Variants in SLC44A5 observed in about 807,000 individuals in gnomAD.
The protein encoded by SLC44A5 is solute carrier family 44 member 5.
Under a neutral mutation model 101.8 loss-of-function variants are expected in SLC44A5, and 57 were observed. The ratio of observed to expected loss-of-function variants is 0.56; its 90% confidence interval spans 0.45 to 0.70. The LOEUF is 0.70. Among genes scored for constraint, SLC44A5 ranks in the 30% least tolerant of loss-of-function variants. The pLI is 0.00. For synonymous variants in SLC44A5, 281 were observed against 290.9 expected (o/e 0.97, Z 0.35); for missense variants, 737 against 853.1 (o/e 0.86, Z 1.70).
chr1:75,624,989 T>C, the SLC44A5 span, among the ~76,000 whole-genome samples: 1 of 152,098 alleles, frequency 6.6e-6, no homozygotes, highest in South Asian at 2.1e-4. Flanking sequence ...CACCTCACAT[T>C]GACACAGGGC....
rs1649541905 is a variant in SLC44A5 at position 75,251,212 on chromosome 1, G to C, written c.343C>G (p.Gln115Glu). Residue 115 changes from glutamine to glutamate, a missense_variant and splice_region_variant, in exon 7 of 24, where the codon CAG becomes GAG. Physicochemically the swap from Gln to Glu is conservative, Grantham distance 29. Coordinates refer to ENST00000370859, the MANE Select transcript of SLC44A5 (RefSeq NM_001130058.2). Reference sequence around the variant, plus strand: ...CAGTGAGGCACCTTTTGCCTTACCTGTGTGGTAGGGCACTGTAGGTTTAGC... The same window carrying C: ...CAGTGAGGCACCTTTTGCCTTACCTCTGTGGTAGGGCACTGTAGGTTTAGC... ...VLLNLQCPTT[Q>E]ICVSKCPEKF... 6.2e-7 allele frequency: 1 copy of C among 1,609,838 alleles called. No individual in the cohort carries two copies. The highest frequency in any genetic ancestry group is 8.5e-7 in the Non-Finnish European group (1 of 1,176,288).
At chr1:75,639,142 T>G in the SLC44A5 span, among the ~76,000 whole-genome samples, 1 of 152,058 alleles carries the variant, frequency 6.6e-6, no homozygotes, top group African/African-American at 2.4e-5. Flanking sequence ...TCATACAACA[T>G]GGTTATAGTT....
chr1:75,332,559 G>A (rs1657132331), intron 4 of SLC44A5, among the ~76,000 whole-genome samples: 2 of 152,124 alleles, frequency 1.3e-5, no homozygotes, highest in Non-Finnish European at 2.9e-5. Flanking sequence ...TATAGAAGGT[G>A]GAAAATCTGT....
chr1:75,549,987 A>G (rs897753356), intron 1 of SLC44A5, among the ~76,000 whole-genome samples: 2 of 152,098 alleles, frequency 1.3e-5, no homozygotes. Flanking sequence ...ATGGGAAAGC[A>G]TTTTAATTAA....
At chr1:75,479,451 T>G (rs1486593401) in intron 2 of SLC44A5, among the ~76,000 whole-genome samples, 1 of 152,020 alleles carries the variant, frequency 6.6e-6, no homozygotes, top group South Asian at 2.1e-4. Context: ...CAAAAATTAA[T>G]GAATCCAGGA....
chr1:75,525,150 G>T (rs1483074124), intron 2 of SLC44A5, among the ~76,000 whole-genome samples: 4 of 152,078 alleles, frequency 2.6e-5, no homozygotes, highest in Non-Finnish European at 5.9e-5. Context: ...AAATATTTAG[G>T]TGAAAGATTG....
At chr1:75,239,605 C>T (rs527336634) in intron 9 of SLC44A5, among the ~76,000 whole-genome samples, 14 of 152,090 alleles carry the variant, frequency 9.2e-5, no homozygotes, top group African/African-American at 2.6e-4. Flanking sequence ...CTTTACCTGC[C>T]CCACCTTTCT....
At chr1:75,659,831 C>G in the SLC44A5 span, among the ~76,000 whole-genome samples, 1 of 151,954 alleles carries the variant, frequency 6.6e-6, no homozygotes, top group African/African-American at 2.4e-5. Flanking sequence ...CAACAAAATA[C>G]TAGCAAACCA....
At chr1:75,375,499 A>C (rs570557955) in intron 3 of SLC44A5, among the ~76,000 whole-genome samples, 1 of 152,300 alleles carries the variant, frequency 6.6e-6, no homozygotes, top group East Asian at 1.9e-4. Flanking sequence ...TTTGTGAGAC[A>C]TTATACAAGG....
At chr1:75,597,023 G>T (rs1396169330) in intron 1 of SLC44A5, among the ~76,000 whole-genome samples, 2 of 151,702 alleles carry the variant, frequency 1.3e-5, no homozygotes, top group African/African-American at 4.8e-5. Flanking sequence ...CTATCTCTAT[G>T]AAAAACATAC....
chr1:75,476,407 G>C (rs1366319873), intron 2 of SLC44A5, among the ~76,000 whole-genome samples: 2 of 152,190 alleles, frequency 1.3e-5, no homozygotes, highest in African/African-American at 2.4e-5. Context: ...GCGCAGGACA[G>C]TGGGTGCAGC....
intron 4 of SLC44A5, among the ~76,000 whole-genome samples, chr1:75,339,222 A>G (rs1191277650): frequency 2.0e-5 from 3 of 152,210 alleles, no homozygotes; most frequent in East Asian, 1.9e-4. Context: ...TGCATTTGCA[A>G]TGGTGAGTCC....
At chr1:75,419,471 G>GA (rs1301483726) in intron 2 of SLC44A5, among the ~76,000 whole-genome samples, 127 of 112,998 alleles carry the variant, frequency 1.1e-3, no homozygotes, top group African/African-American at 1.8e-3. Context: ...TAAAGAGAGA[G>GA]AAAAAAAAAA....
chr1:75,708,966 T>G, the SLC44A5 span, among the ~76,000 whole-genome samples: 1 of 152,202 alleles, frequency 6.6e-6, no homozygotes, highest in Non-Finnish European at 1.5e-5. Flanking sequence ...TTGCTATCTT[T>G]CCTGTCCCAC....
At chr1:75,677,715 G>C in the SLC44A5 span, 1 of 435,900 alleles carries the variant, frequency 2.3e-6, no homozygotes, top group Non-Finnish European at 4.6e-6. Flanking sequence ...AAGACCCAGT[G>C]CAATCATCTG....
chr1:75,653,657 G>A, the SLC44A5 span, among the ~76,000 whole-genome samples: 8 of 152,100 alleles, frequency 5.3e-5, no homozygotes, highest in African/African-American at 1.9e-4. Context: ...CTAAAAGATA[G>A]TTGCACAGTC....
At chr1:75,645,202 A>C in the SLC44A5 span, among the ~76,000 whole-genome samples, 2 of 152,164 alleles carry the variant, frequency 1.3e-5, no homozygotes, top group African/African-American at 2.4e-5. Context: ...GAATCGCCAC[A>C]CTGTCTTCCA....
At chr1:75,276,666 G>A (rs982813897) in intron 5 of SLC44A5, among the ~76,000 whole-genome samples, 3 of 152,240 alleles carry the variant, frequency 2.0e-5, no homozygotes, top group African/African-American at 7.2e-5. Flanking sequence ...CATACAATAT[G>A]GACTCAGTAA....
intron 3 of SLC44A5, among the ~76,000 whole-genome samples, chr1:75,366,274 C>T (rs1299400398): frequency 1.3e-5 from 2 of 152,118 alleles, no homozygotes; most frequent in Non-Finnish European, 2.9e-5. Context: ...TCATCTCTCC[C>T]TTTCTGAAGG....
Sources: gnomAD v4.1 joint callset for allele counts (sites outside exome capture counted in the v4.1 genomes callset) on GRCh38, gnomAD v4.1.1 for gene constraint, MANE v1.5 for transcripts, NCBI Gene and HGNC (gene_info 2026-07-23, HGNC 2026-07-21) for gene names.